The following RTF2 variants were observed in gnomAD, a reference collection of about 807,000 sequenced individuals.
RTF2 encodes the protein UPF0549 protein C20orf43.
RTF2 carries 18 observed loss-of-function variants against 38.0 expected under a neutral mutation model. The observed-to-expected ratio is 0.47, with a 90% CI of 0.33 to 0.70. The LOEUF is 0.70. Ranked by LOEUF, RTF2 falls within the 30% of genes least tolerant of loss-of-function variation. The probability of loss-of-function intolerance (pLI) is 0.02; values close to 1 mark genes in which losing one functional copy is unlikely to be tolerated. For synonymous variants in RTF2, 126 were observed against 137.1 expected (o/e 0.92, Z 0.57); for missense variants, 311 against 379.6 (o/e 0.82, Z 1.50).
In RTF2 at chr20:56,514,347, C is replaced by CT. The variant is rs1185884030; in HGVS notation, c.591+922dup. ...TTTCGTGAGTGGCAAATTTCTTATTCTTTAAAAAAAAAAAAAGTTGGGTTC... is the reference window on the plus strand; with the variant it reads ...TTTCGTGAGTGGCAAATTTCTTATTCTTTTAAAAAAAAAAAAAGTTGGGTTC... On this transcript the variant is annotated intron_variant, in intron 6 of 8. Coordinates refer to ENST00000357348, the MANE Select transcript of RTF2 (RefSeq NM_016407.5). The CT allele has an allele frequency of 5.3e-5, 8 of 149,792 alleles. 1 individual carries two copies. The highest frequency in any genetic ancestry group is 5.3e-4 in the Admixed American group (8 of 15,098). The allele number at this position is 149,792 out of a possible 1,614,324, so 9.3% of individuals were successfully genotyped here. A position where few individuals can be genotyped will look rare whatever the true frequency, so the allele number is the denominator to read the frequency against.
At chr20:56,493,882 G>C (rs940237860) in intron 5 of RTF2, among the ~76,000 whole-genome samples, 3 of 152,146 alleles carry the variant, frequency 2.0e-5, no homozygotes, top group African/African-American at 4.8e-5. Context: ...GGTTCTAATG[G>C]GATAGCTGTT....
chr20:56,491,818 GT>G, intron 5 of RTF2: 1 of 1,474,640 alleles, frequency 6.8e-7, no homozygotes, highest in East Asian at 2.5e-5. Flanking sequence ...AGCTGCCTTT[GT>G]TTCCTCACCC....
intron 5 of RTF2, among the ~76,000 whole-genome samples, chr20:56,498,612 G>A (rs546504984): frequency 9.9e-5 from 15 of 152,162 alleles, no homozygotes; most frequent in Non-Finnish European, 2.2e-4. Context: ...TGAGTCTACA[G>A]AGGTACATGA....
In RTF2 at chr20:56,505,487, C is replaced by CATCATAATAATA. The variant is rs74181054; in HGVS notation, c.478-7826_478-7825insCATAATAATAAT. ...TGGGCAACAGAGTGAGATGCCATCTCATAATAATAATAATAATAATAATAA... is the reference window on the plus strand; with the variant it reads ...TGGGCAACAGAGTGAGATGCCATCTCATCATAATAATAATAATAATAATAATAATAATAATAA... On this transcript the variant is annotated intron_variant, in intron 5 of 8. Coordinates refer to ENST00000357348, the MANE Select transcript of RTF2 (RefSeq NM_016407.5). Among the ~76,000 whole-genome samples, 6 of 139,648 alleles carry CATCATAATAATA rather than the reference C, an allele frequency of 4.3e-5. No individual in the cohort carries two copies. In the East Asian group the frequency reaches 1.3e-3, roughly 29 times the overall value. The allele number at this position is 139,648 out of a possible 152,430, so 91.6% of individuals were successfully genotyped here.
intron 5 of RTF2, among the ~76,000 whole-genome samples, chr20:56,492,569 T>A (rs571954768): frequency 8.6e-4 from 129 of 149,562 alleles, no homozygotes; most frequent in African/African-American, 2.7e-3. Flanking sequence ...TAAAAAAAAA[T>A]TTTTTTTAAA....
intron 1 of RTF2, 89 bp from the exon 2 acceptor site, chr20:56,473,212 G>A (rs894726729): frequency 2.9e-5 from 26 of 910,244 alleles, no homozygotes; most frequent in South Asian, 5.5e-5. Context: ...ATTACAGTGC[G>A]GTATTACTGA....
Position 56,512,754 on chromosome 20 carries a change from T to G in RTF2, c.478-561T>G, listed in dbSNP as rs143278377. ...GCTGGGTGTTAAGGGAAAAGGCGCA[T>G]GTAGCAGAGTCTGGAGGAATCCACG... On this transcript the variant is annotated intron_variant, in intron 5 of 8. Coordinates refer to ENST00000357348, the MANE Select transcript of RTF2 (RefSeq NM_016407.5). 4.3e-3 allele frequency among the ~76,000 whole-genome samples: 658 copies of G among 152,296 alleles called. 5 individuals are homozygous for G. Among genetic ancestry groups the G allele is most frequent in the African/African-American group, 0.014 (590 of 41,566 alleles).
intron 6 of RTF2, chr20:56,516,223 A>T (rs1985034891): frequency 6.6e-6 from 1 of 152,232 alleles, no homozygotes; most frequent in South Asian, 2.1e-4. Context: ...CACCTTTTGG[A>T]TGCTTAGGAA....
chr20:56,492,818 C>T (rs1983248010), intron 5 of RTF2, among the ~76,000 whole-genome samples: 1 of 151,990 alleles, frequency 6.6e-6, no homozygotes, highest in South Asian at 2.1e-4. Context: ...AGAAACGTTG[C>T]TCTTTCTCTG....
chr20:56,515,843 CAG>C (rs1490409256), intron 6 of RTF2: 1 of 152,220 alleles, frequency 6.6e-6, no homozygotes, highest in Non-Finnish European at 1.5e-5. Flanking sequence ...AAATATTCTC[CAG>C]AGCTTCTGGG....
intron 1 of RTF2, chr20:56,470,985 A>G (rs965289399): frequency 1.3e-5 from 3 of 228,494 alleles, no homozygotes; most frequent in African/African-American, 6.6e-5. Flanking sequence ...CTAGCAAATC[A>G]TCAAACTGGG....
At chr20:56,495,210 C>T in intron 5 of RTF2, 1 of 1,549,620 alleles carries the variant, frequency 6.5e-7, no homozygotes, top group Non-Finnish European at 8.7e-7. Flanking sequence ...ACCTTTACAT[C>T]CATCATGAAC....
At chr20:56,507,558 C>T (rs374393223) in intron 5 of RTF2, among the ~76,000 whole-genome samples, 3 of 152,200 alleles carry the variant, frequency 2.0e-5, no homozygotes, top group African/African-American at 4.8e-5. Context: ...TAAGTCTGGG[C>T]ACAACACAAC....
chr20:56,483,432 C>T (rs1006382535), intron 4 of RTF2, among the ~76,000 whole-genome samples: 1 of 152,116 alleles, frequency 6.6e-6, no homozygotes, highest in East Asian at 1.9e-4. Flanking sequence ...AGGCCATCCT[C>T]CCACCTCAGC....
intron 5 of RTF2, among the ~76,000 whole-genome samples, chr20:56,489,399 A>C (rs1284957372): frequency 6.6e-6 from 1 of 152,096 alleles, no homozygotes; most frequent in Non-Finnish European, 1.5e-5. Context: ...TGTCTTCATT[A>C]TAGCATTAAG....
intron 2 of RTF2, among the ~76,000 whole-genome samples, chr20:56,474,050 A>G (rs1221500442): frequency 2.0e-5 from 3 of 152,196 alleles, no homozygotes; most frequent in Non-Finnish European, 4.4e-5. Context: ...GTGTTGGCCT[A>G]GTGATTCCAC....
intron 5 of RTF2, among the ~76,000 whole-genome samples, chr20:56,499,432 AG>A (rs1417751631): frequency 1.3e-5 from 2 of 151,814 alleles, no homozygotes; most frequent in East Asian, 3.9e-4. Context: ...CCACCCGCCT[AG>A]GCCTCCCAAA....
chr20:56,484,931 A>T (rs1982715057), intron 5 of RTF2, among the ~76,000 whole-genome samples: 1 of 151,616 alleles, frequency 6.6e-6, no homozygotes, highest in South Asian at 2.1e-4. Context: ...TCCCCTCCCC[A>T]CTGTGTTGTT....
intron 5 of RTF2, among the ~76,000 whole-genome samples, chr20:56,496,256 T>A (rs1390408471): frequency 1.3e-5 from 2 of 152,130 alleles, no homozygotes; most frequent in Admixed American, 6.5e-5. Flanking sequence ...ATTTTTTCAA[T>A]AAATCTTATG....
Sources: allele counts gnomAD v4.1 joint callset (sites outside exome capture counted in the v4.1 genomes callset), GRCh38; gene constraint gnomAD v4.1.1; transcripts MANE v1.5; gene names NCBI Gene and HGNC (gene_info 2026-07-23, HGNC 2026-07-21).